Variants in RNF123 observed in about 807,000 individuals in gnomAD.
The protein encoded by RNF123 is ring finger protein 123.
A neutral mutation model predicts 168.5 loss-of-function variants in RNF123; 86 were observed. The ratio of observed to expected loss-of-function variants is 0.51; its 90% confidence interval spans 0.43 to 0.61. RNF123 has a LOEUF of 0.61. RNF123 is among the 20% of genes least tolerant of loss of function. The probability of loss-of-function intolerance (pLI) is 0.00; values close to 1 mark genes in which losing one functional copy is unlikely to be tolerated. For synonymous variants in RNF123, 666 were observed against 689.1 expected, an observed-to-expected ratio of 0.97 and a Z score of 0.52; for missense variants, 1,419 against 1,729.7, an observed-to-expected ratio of 0.82 and a Z score of 3.19.
In RNF123 at chr3:49,691,240, G is replaced by A; in HGVS notation, c.75G>A (p.Arg25=). 4 of 1,613,936 alleles carry A rather than the reference G, an allele frequency of 2.5e-6. No individual in the cohort carries two copies. Among genetic ancestry groups the A allele is most frequent in the Non-Finnish European group, 3.4e-6 (4 of 1,179,820 alleles). The change falls in exon 2 of 39, where the codon AGG becomes AGA. Residue 25 remains arginine, a synonymous_variant. Coordinates refer to ENST00000327697, the MANE Select transcript of RNF123 (RefSeq NM_022064.5). Reference sequence around the variant, plus strand: ...TGACCTCAGATGCTGAGAAATCCAGGGTCACAGGTAAGAGCTGGCAGGGAA... The same window carrying A: ...TGACCTCAGATGCTGAGAAATCCAGAGTCACAGGTAAGAGCTGGCAGGGAA... ...YRLTSDAEKS[R]VTGIVQEKLL...
intron 31 of RNF123, among the ~76,000 whole-genome samples, chr3:49,715,162 C>T (rs2080215122): frequency 6.6e-6 from 1 of 152,242 alleles, no homozygotes; most frequent in South Asian, 2.1e-4. Context: ...TAGAGGACAG[C>T]AGGTTTGCAG....
At chr3:49,709,222 C>T (rs942483774) in intron 26 of RNF123, among the ~76,000 whole-genome samples, 5 of 151,928 alleles carry the variant, frequency 3.3e-5, no homozygotes, top group African/African-American at 9.7e-5. Context: ...GCCTCTGCCT[C>T]CCAGGTTCAA....
intron 7 of RNF123, 58 bp from the exon 8 acceptor site, chr3:49,698,382 G>A (rs996539850): frequency 7.0e-7 from 1 of 1,420,738 alleles, no homozygotes; most frequent in African/African-American, 1.4e-5. Context: ...GTGATTGGTG[G>A]GCTCTGGCCC....
At chr3:49,697,306 C>T (rs2054288241) in intron 4 of RNF123, 57 bp from the exon 5 acceptor site, 1 of 1,589,656 alleles carries the variant, frequency 6.3e-7, no homozygotes, top group Non-Finnish European at 8.6e-7. Context: ...GCTCAGGACA[C>T]CCTATGCATC....
In RNF123 at chr3:49,702,591, C is replaced by G. The variant is rs756604390; in HGVS notation, c.1630-42C>G. On this transcript the variant is annotated intron_variant, in intron 19 of 38. Coordinates refer to ENST00000327697, the MANE Select transcript of RNF123 (RefSeq NM_022064.5). ...CCTTGGATGAGGAATGGGCAAGGCA[C>G]TGGACTGGCACCAATGCATGTTTCA... The G allele has an allele frequency of 5.0e-6, 8 of 1,614,174 alleles. No individual in the cohort carries two copies. The South Asian group carries it at 8.8e-5, about 18-fold the overall frequency.
chr3:49,715,551 A>C, intron 31 of RNF123, 24 bp from the exon 32 acceptor site: 1 of 1,613,322 alleles, frequency 6.2e-7, no homozygotes, highest in Non-Finnish European at 8.5e-7. Context: ...GTCCCTGATG[A>C]TGCCGCCTCC....
chr3:49,720,796 C>T lies in RNF123; in HGVS notation c.3644-4C>T. 1 of 1,614,154 alleles carries T rather than the reference C, an allele frequency of 6.2e-7. No homozygotes were observed. The highest frequency in any genetic ancestry group is 8.5e-7 in the Non-Finnish European group (1 of 1,180,010). On this transcript the variant is annotated splice_polypyrimidine_tract_variant and splice_region_variant and intron_variant, in intron 36 of 38. Transcript: ENST00000327697. ...CTGACTTGACACTACCTACCACTCC[C>T]CAGATGCGGATTATATCAGTGCCGA...
rs768351876 is a variant in RNF123, at chr3:49,703,537, A to G, written c.1852+9A>G. On this transcript the variant is annotated intron_variant, in intron 21 of 38. Transcript: ENST00000327697. ...GCGGAAGACCCTCAAAGGTGTGTAC[A>G]GGCCTGTGGGCCGGGAGCAGTTCTG... is the stretch of plus-strand genomic sequence containing the variant. The G allele has an allele frequency of 3.7e-6, 6 of 1,610,896 alleles. No individual in the cohort carries two copies. The highest frequency in any genetic ancestry group is 2.2e-5 in the South Asian group (2 of 90,752).
Position 49,701,481 on chromosome 3 carries a change from C to CA in RNF123, c.1278-9dup, listed in dbSNP as rs1342371321. On this transcript the variant is annotated splice_polypyrimidine_tract_variant and intron_variant, in intron 15 of 38. Coordinates refer to ENST00000327697, the MANE Select transcript of RNF123 (RefSeq NM_022064.5). The stretch of plus-strand genomic sequence containing the variant: ...TTTGGCAAGCAGAGCCCTGCCTTGA[C>CA]ACCCGCCAGCTTCGACGTGCTCCGC... 3 of 1,610,334 alleles carry CA rather than the reference C, an allele frequency of 1.9e-6. No homozygotes were observed. The highest frequency in any genetic ancestry group is 1.7e-6 in the Non-Finnish European group (2 of 1,177,136).
At position 49,699,647 on chromosome 3, in the gene RNF123, CCCT is replaced by C. The variant is rs990916751; in HGVS notation, c.880-15_880-13del. The C allele has an allele frequency of 6.2e-7, 1 of 1,613,054 alleles. No individual in the cohort carries two copies. Among genetic ancestry groups the C allele is most frequent in the African/African-American group, 1.3e-5 (1 of 74,902 alleles). On this transcript the variant is annotated intron_variant, in intron 11 of 38. Transcript: ENST00000327697. The surrounding 1 kb of genome is among the most constrained non-coding windows in gnomAD (Gnocchi z 4.8). ...ACAGCCTCCTGCCCCTCACACTTCT[CCCT>C]CCTCCCCCTCCACACAGGAGGGGCG...
Position 49,701,541 on chromosome 3 carries a change from G to T in RNF123, c.1328G>T (p.Arg443Leu), listed in dbSNP as rs770811607. The change falls in exon 16 of 39, where the codon CGT (arginine) becomes CTT (leucine). Residue 443 changes from arginine (R) to leucine (L), a missense_variant. By Grantham distance (102) the Arg-to-Leu change is moderately radical. Transcript: ENST00000327697. Reference sequence around the variant, plus strand: ...TTCTTTTACATCAAGAGCCCCCTGCGTGTGGAGGAGGCCGGCCTGCAGGAG... The same window carrying T: ...TTCTTTTACATCAAGAGCCCCCTGCTTGTGGAGGAGGCCGGCCTGCAGGAG... ...VVFFYIKSPL[R>L]VEEAGLQELI... The T allele has an allele frequency of 1.2e-6, 2 of 1,613,724 alleles. No homozygotes were observed. The highest frequency in any genetic ancestry group is 1.7e-6 in the Non-Finnish European group (2 of 1,180,032).
At chr3:49,708,908 A>G (rs1008422293) in intron 26 of RNF123, among the ~76,000 whole-genome samples, 2 of 151,916 alleles carry the variant, frequency 1.3e-5, no homozygotes, top group Non-Finnish European at 2.9e-5. Context: ...TTGGTTATAT[A>G]CCCAGAAGTG....
At position 49,713,810 on chromosome 3, in the gene RNF123, G is replaced by A. The variant is rs763125292; in HGVS notation, c.2822G>A (p.Arg941Gln). Reference sequence around the variant, plus strand: ...CCACACTCCCTGCGGGCTGTGGAGCGAATCCCCGAGGAGCAGTGAGTGGGG... The same window carrying A: ...CCACACTCCCTGCGGGCTGTGGAGCAAATCCCCGAGGAGCAGTGAGTGGGG... ...CYPHSLRAVE[R>Q]IPEEQRIAMV... is the part of the protein sequence containing the mutation. Residue 941 changes from arginine (R) to glutamine (Q), a missense_variant, in exon 29 of 39, where the codon CGA becomes CAA. Arg to Gln is a conservative substitution (Grantham distance 43). Transcript: ENST00000327697. 27 of 1,612,768 alleles carry A rather than the reference G, an allele frequency of 1.7e-5. No homozygotes were observed. In the East Asian group the frequency reaches 4.5e-4, roughly 27 times the overall value.
chr3:49,693,812 A>G (rs1482307433), intron 3 of RNF123, among the ~76,000 whole-genome samples: 5 of 152,156 alleles, frequency 3.3e-5, no homozygotes, highest in Admixed American at 1.3e-4. Flanking sequence ...CTGGTGTGAG[A>G]TGATATCTCG....
chr3:49,701,954 T>C, intron 17 of RNF123, 44 bp downstream of exon 17: 1 of 1,551,408 alleles, frequency 6.4e-7, no homozygotes, highest in Non-Finnish European at 8.7e-7. Flanking sequence ...GGTGTGTGTG[T>C]GCACATGAGG....
intron 20 of RNF123, among the ~76,000 whole-genome samples, chr3:49,703,222 C>T (rs1174071594): frequency 6.6e-6 from 1 of 152,218 alleles, no homozygotes; most frequent in Non-Finnish European, 1.5e-5. Context: ...CAGCTGCTGG[C>T]TCTGACCTGA....
rs1368834785 is a variant in RNF123, at chr3:49,712,667, C to T, written c.2674+11C>T. ...TGGAGGAGCTCCCAGGTGATGGAACCATTCAGGCTGAGGCAGAAGCAGAAA... is the reference window on the plus strand; with the variant it reads ...TGGAGGAGCTCCCAGGTGATGGAACTATTCAGGCTGAGGCAGAAGCAGAAA... On this transcript the variant is annotated intron_variant, in intron 27 of 38. Transcript: ENST00000327697. 1 of 1,614,080 alleles carries T rather than the reference C, an allele frequency of 6.2e-7. No homozygotes were observed. The highest frequency in any genetic ancestry group is 1.3e-5 in the African/African-American group (1 of 75,040).
Position 49,698,836 on chromosome 3 carries a change from C to T in RNF123, c.638+14C>T, listed in dbSNP as rs79587292. ...GTCCTTCTGCCTGTGAGTTTCCTAT[C>T]TCTATGCACAGGCCTGGCCCCTGGG... is the stretch of plus-strand genomic sequence containing the variant. On this transcript the variant is annotated intron_variant, in intron 9 of 38. Coordinates refer to ENST00000327697, the MANE Select transcript of RNF123 (RefSeq NM_022064.5). 4,323 of 1,613,722 alleles carry T rather than the reference C, an allele frequency of 2.7e-3. 75 individuals are homozygous for T. In the African/African-American group the frequency reaches 0.039, roughly 15 times the overall value.
intron 27 of RNF123, chr3:49,713,210 A>G (rs1270197752): frequency 3.4e-6 from 2 of 588,842 alleles, no homozygotes; most frequent in Admixed American, 6.0e-5. Flanking sequence ...TTTGTCTTCA[A>G]AGACAGAGCT....
Sources: gnomAD v4.1 joint callset for allele counts (sites outside exome capture counted in the v4.1 genomes callset) on GRCh38, gnomAD v4.1.1 for gene constraint, Gnocchi (gnomAD v3.1) non-coding constraint, MANE v1.5 for transcripts, NCBI Gene and HGNC (gene_info 2026-07-23, HGNC 2026-07-21) for gene names.